The following CNTN5 variants were observed in gnomAD, a reference collection of about 807,000 sequenced individuals.
CNTN5 encodes contactin 5.
A neutral mutation model predicts 129.1 loss-of-function variants in CNTN5; 77 were observed. The observed-to-expected ratio is 0.60, with a 90% CI of 0.50 to 0.72. CNTN5 has a LOEUF of 0.72. Ranked by LOEUF, CNTN5 falls within the 30% of genes least tolerant of loss-of-function variation. The pLI, the probability that CNTN5 is intolerant of heterozygous loss-of-function variation, is 0.00. For missense variants in CNTN5, 1,478 were observed against 1,328.8 expected, an observed-to-expected ratio of 1.11 and a Z score of -1.75; for synonymous variants, 509 against 465.6, an observed-to-expected ratio of 1.09 and a Z score of -1.20.
At chr11:100,077,611 A>G (rs1370719937) in intron 13 of CNTN5, among the ~76,000 whole-genome samples, 1 of 152,052 alleles carries the variant, frequency 6.6e-6, no homozygotes, top group Non-Finnish European at 1.5e-5. Flanking sequence ...ACTTGAGCCC[A>G]GGAGTTTGAG....
intron 16 of CNTN5, among the ~76,000 whole-genome samples, chr11:100,231,025 G>A (rs1949475920): frequency 6.6e-6 from 1 of 152,158 alleles, no homozygotes. Context: ...GTGTGGGCTT[G>A]TATTTTAAAA....
At chr11:99,935,224 A>G (rs958004664) in intron 7 of CNTN5, among the ~76,000 whole-genome samples, 1 of 151,852 alleles carries the variant, frequency 6.6e-6, no homozygotes, top group African/African-American at 2.4e-5. Flanking sequence ...CCAGGGTTCC[A>G]AAAGAAAATT....
intron 1 of CNTN5, among the ~76,000 whole-genome samples, chr11:99,087,639 G>A (rs1301504614): frequency 2.6e-5 from 4 of 152,100 alleles, no homozygotes; most frequent in Non-Finnish European, 4.4e-5. Context: ...ATATCCGTTA[G>A]GACCCAGAGT....
chr11:100,157,857 G>C (rs201028886), intron 13 of CNTN5, among the ~76,000 whole-genome samples: 4 of 95,160 alleles, frequency 4.2e-5, no homozygotes, highest in Admixed American at 1.5e-4. Flanking sequence ...AATAAAAAAA[G>C]CATGTGAAAA....
At chr11:100,304,691 T>C (rs1951307706) in intron 20 of CNTN5, among the ~76,000 whole-genome samples, 1 of 151,488 alleles carries the variant, frequency 6.6e-6, no homozygotes, top group South Asian at 2.1e-4. Flanking sequence ...AAGTGTAACA[T>C]AGACATAGGC....
intron 3 of CNTN5, among the ~76,000 whole-genome samples, chr11:99,717,322 T>A (rs555105745): frequency 3.3e-5 from 5 of 152,178 alleles, no homozygotes; most frequent in African/African-American, 1.2e-4. Flanking sequence ...TTAATAATGA[T>A]CACAGACACA....
intron 2 of CNTN5, among the ~76,000 whole-genome samples, chr11:99,360,271 G>A (rs1404957295): frequency 6.6e-6 from 1 of 152,068 alleles, no homozygotes; most frequent in East Asian, 1.9e-4. Context: ...TGTCTGTAGC[G>A]CTCCTGGGCT....
At chr11:99,588,775 T>C (rs1049654631) in intron 3 of CNTN5, among the ~76,000 whole-genome samples, 2 of 152,128 alleles carry the variant, frequency 1.3e-5, no homozygotes, top group African/African-American at 4.8e-5. Context: ...CGTGTCAATA[T>C]GACACAGTGA....
At chr11:99,777,576 A>G (rs1945168768) in intron 3 of CNTN5, among the ~76,000 whole-genome samples, 1 of 151,798 alleles carries the variant, frequency 6.6e-6, no homozygotes, top group African/African-American at 2.4e-5. Flanking sequence ...GGTCAATCAA[A>G]AAGTGTTAAT....
At chr11:99,771,019 A>G (rs1168268126) in intron 3 of CNTN5, among the ~76,000 whole-genome samples, 1 of 152,134 alleles carries the variant, frequency 6.6e-6, no homozygotes, top group Non-Finnish European at 1.5e-5. Flanking sequence ...ATCTTTGAGA[A>G]GGGCATGAAG....
intron 15 of CNTN5, among the ~76,000 whole-genome samples, chr11:100,198,740 T>A (rs1023338036): frequency 3.3e-5 from 5 of 151,998 alleles, no homozygotes; most frequent in African/African-American, 9.6e-5. Flanking sequence ...GTCAGAAGAT[T>A]GGAAAGTAGG....
chr11:99,121,283 C>A (rs1450295968), intron 1 of CNTN5, among the ~76,000 whole-genome samples: 1 of 151,924 alleles, frequency 6.6e-6, no homozygotes, highest in African/African-American at 2.4e-5. Flanking sequence ...TACAGGCACT[C>A]ACCACCATGC....
chr11:99,448,019 G>A (rs1452813046), intron 2 of CNTN5, among the ~76,000 whole-genome samples: 1 of 152,142 alleles, frequency 6.6e-6, no homozygotes, highest in Non-Finnish European at 1.5e-5. Context: ...AAATTAGCAT[G>A]ATTTGCTTGA....
intron 21 of CNTN5, chr11:100,337,424 C>G (rs1944174): frequency 0.27 from 200,926 of 757,932 alleles, 29,061 homozygotes; most frequent in Non-Finnish European, 0.31. Context: ...AGTGAAGCAG[C>G]CTCCCTGTGG....
intron 13 of CNTN5, among the ~76,000 whole-genome samples, chr11:100,080,177 T>C (rs996622437): frequency 1.3e-5 from 2 of 152,158 alleles, no homozygotes; most frequent in South Asian, 2.1e-4. Flanking sequence ...GCACTAGTTT[T>C]TATGCCCAGG....
Position 100,101,083 on chromosome 11 carries a change from C to T in CNTN5, c.1580+26789C>T, listed in dbSNP as rs888127634. ...ATAAGGAAAATAAAAGCATCTAATG[C>T]ATAAAATAGAAACAATACGGTATGT... is the stretch of plus-strand genomic sequence containing the variant. On this transcript the variant is annotated intron_variant, in intron 13 of 24. Coordinates refer to ENST00000524871, the MANE Select transcript of CNTN5 (RefSeq NM_014361.4). 6.6e-4 allele frequency among the ~76,000 whole-genome samples: 100 copies of T among 151,996 alleles called. 2 individuals carry two copies. Among genetic ancestry groups the T allele is most frequent in the Non-Finnish European group, 1.8e-4 (12 of 67,976 alleles).
At chr11:99,643,074 C>A (rs558397146) in intron 3 of CNTN5, among the ~76,000 whole-genome samples, 2 of 152,122 alleles carry the variant, frequency 1.3e-5, no homozygotes, top group Non-Finnish European at 2.9e-5. Context: ...ATACAGATAT[C>A]TCTGTGGAAC....
chr11:99,113,520 A>G (rs1565327353), intron 1 of CNTN5, among the ~76,000 whole-genome samples: 3 of 152,220 alleles, frequency 2.0e-5, no homozygotes, highest in East Asian at 3.9e-4. Context: ...TCCTGATAGG[A>G]ACCTTCTGAG....
At chr11:99,763,577 C>A (rs1441380) in intron 3 of CNTN5, among the ~76,000 whole-genome samples, 73,727 of 151,488 alleles carry the variant, frequency 0.49, 18,306 homozygotes, top group Non-Finnish European at 0.55. Flanking sequence ...TACTCAGTAT[C>A]TGAACATGTT....
Sources: allele counts gnomAD v4.1 joint callset (sites outside exome capture counted in the v4.1 genomes callset), GRCh38; gene constraint gnomAD v4.1.1; transcripts MANE v1.5; gene names NCBI Gene and HGNC (gene_info 2026-07-23, HGNC 2026-07-21).